PRR16: variants seen among roughly 807,000 people sequenced by gnomAD.
PRR16 encodes proline rich 16, also known as protein Largen.
In PRR16, 6 loss-of-function variants were observed where a neutral mutation model predicts 18.2. The ratio of observed to expected loss-of-function variants is 0.33; its 90% CI spans 0.18 to 0.65. PRR16 has a LOEUF of 0.65. PRR16 is among the 30% of genes least tolerant of loss of function. The pLI, the probability that PRR16 is intolerant of heterozygous loss-of-function variation, is 0.74. For synonymous variants in PRR16, 151 were observed against 147.8 expected, an observed-to-expected ratio of 1.02 and a Z score of -0.16; for missense variants, 412 against 376.6, an observed-to-expected ratio of 1.09 and a Z score of -0.78.
chr5:120,692,021 C>A (rs563945231), downstream of PRR16, among the ~76,000 whole-genome samples: 8 of 152,290 alleles, frequency 5.3e-5, no homozygotes, highest in African/African-American at 1.9e-4. Flanking sequence ...TACCCATGAT[C>A]TTAGGGCCAG....
chr5:120,511,105 G>C (rs147168986), intron 1 of PRR16, among the ~76,000 whole-genome samples: 12 of 152,266 alleles, frequency 7.9e-5, no homozygotes, highest in African/African-American at 2.6e-4. Context: ...TGTATTAAAT[G>C]TGTAACGAGA....
chr5:120,722,755 G>C, the PRR16 span, among the ~76,000 whole-genome samples: 2 of 151,868 alleles, frequency 1.3e-5, no homozygotes, highest in African/African-American at 4.8e-5. Context: ...ACCACATACT[G>C]CTGTGAGAAC....
intron 1 of PRR16, among the ~76,000 whole-genome samples, chr5:120,584,297 G>A (rs746881138): frequency 6.6e-6 from 1 of 152,168 alleles, no homozygotes; most frequent in East Asian, 1.9e-4. Flanking sequence ...CTATCTTAGA[G>A]ACTTGGTAAG....
chr5:120,735,177 C>G, the PRR16 span, among the ~76,000 whole-genome samples: 1 of 152,136 alleles, frequency 6.6e-6, no homozygotes, highest in African/African-American at 2.4e-5. Flanking sequence ...CATGTTGTAC[C>G]ACTTGACAGA....
the PRR16 span, among the ~76,000 whole-genome samples, chr5:120,769,871 G>A: frequency 5.3e-4 from 80 of 151,846 alleles, no homozygotes; most frequent in Middle Eastern, 0.01. Context: ...ACTGACACTT[G>A]TTTTCTTTTG....
At chr5:120,764,707 G>T in the PRR16 span, among the ~76,000 whole-genome samples, 1 of 152,018 alleles carries the variant, frequency 6.6e-6, no homozygotes, top group Admixed American at 6.6e-5. Flanking sequence ...TGTATATAAT[G>T]CATTTAGAAG....
intron 1 of PRR16, among the ~76,000 whole-genome samples, chr5:120,645,622 A>G (rs998786547): frequency 9.9e-5 from 15 of 152,002 alleles, no homozygotes; most frequent in African/African-American, 3.4e-4. Flanking sequence ...TTTAAACAAA[A>G]AAAGAAAATG....
chr5:120,681,563 CTTTG>C (rs1254058755), intron 1 of PRR16, among the ~76,000 whole-genome samples: 5 of 152,052 alleles, frequency 3.3e-5, no homozygotes, highest in African/African-American at 4.8e-5. Flanking sequence ...TTACCAATGC[CTTTG>C]TTTATCTATG....
intron 1 of PRR16, among the ~76,000 whole-genome samples, chr5:120,539,578 G>C (rs1432901224): frequency 1.3e-5 from 2 of 151,892 alleles, no homozygotes; most frequent in Non-Finnish European, 2.9e-5. Context: ...TGATTACCAG[G>C]TGACAAAATT....
chr5:120,474,160 T>C (rs565746405), intron 1 of PRR16, among the ~76,000 whole-genome samples: 1 of 152,312 alleles, frequency 6.6e-6, no homozygotes, highest in Admixed American at 6.5e-5. Flanking sequence ...TGATTCTTCC[T>C]TAGAGTAAAA....
intron 1 of PRR16, among the ~76,000 whole-genome samples, chr5:120,645,776 T>G (rs903057141): frequency 6.6e-6 from 1 of 151,978 alleles, no homozygotes; most frequent in Admixed American, 6.6e-5. Context: ...GGTGTTCTGC[T>G]CACTCTAGTG....
At chr5:120,585,592 T>C (rs2112763827) in intron 1 of PRR16, among the ~76,000 whole-genome samples, 1 of 150,758 alleles carries the variant, frequency 6.6e-6, no homozygotes, top group African/African-American at 2.4e-5. Context: ...CACTCCAGCC[T>C]GGCAGACAGA....
At chr5:120,548,012 A>G (rs1229421294) in intron 1 of PRR16, among the ~76,000 whole-genome samples, 2 of 152,106 alleles carry the variant, frequency 1.3e-5, no homozygotes, top group South Asian at 2.1e-4. Flanking sequence ...TAGATTTAGG[A>G]TGAGTTTCCT....
At chr5:120,538,067 C>G (rs1485704112) in intron 1 of PRR16, among the ~76,000 whole-genome samples, 1 of 152,108 alleles carries the variant, frequency 6.6e-6, no homozygotes, top group Non-Finnish European at 1.5e-5. Context: ...TGAGCCACCG[C>G]GCCCGGCCGT....
At chr5:120,768,902 A>G in the PRR16 span, among the ~76,000 whole-genome samples, 1 of 151,782 alleles carries the variant, frequency 6.6e-6, no homozygotes, top group Non-Finnish European at 1.5e-5. Context: ...TAAAAAATTA[A>G]TTAAAACGAT....
chr5:120,532,358 T>C (rs1175012062), intron 1 of PRR16, among the ~76,000 whole-genome samples: 1 of 152,146 alleles, frequency 6.6e-6, no homozygotes, highest in East Asian at 1.9e-4. Flanking sequence ...TACATAGTAG[T>C]CTTTAAAATT....
intron 1 of PRR16, among the ~76,000 whole-genome samples, chr5:120,485,120 T>C (rs1749752256): frequency 6.6e-6 from 1 of 152,076 alleles, no homozygotes. Context: ...TGTTCGCATT[T>C]TAAATGAGCA....
intron 1 of PRR16, among the ~76,000 whole-genome samples, chr5:120,498,611 A>G (rs1185503129): frequency 6.6e-6 from 1 of 151,330 alleles, no homozygotes; most frequent in Non-Finnish European, 1.5e-5. Context: ...TTTGTTTACT[A>G]TGTTCTTCCA....
At chr5:120,491,665 T>C (rs1029226472) in intron 1 of PRR16, among the ~76,000 whole-genome samples, 10 of 152,212 alleles carry the variant, frequency 6.6e-5, no homozygotes, top group African/African-American at 2.4e-4. Context: ...TGCCTCATAC[T>C]CCTGAGTAGC....
Sources: gnomAD v4.1 joint callset for allele counts (sites outside exome capture counted in the v4.1 genomes callset) on GRCh38, gnomAD v4.1.1 for gene constraint, MANE v1.5 for transcripts, NCBI Gene and HGNC (gene_info 2026-07-23, HGNC 2026-07-21) for gene names.